The following SASH1 variants were observed in gnomAD, a reference collection of about 807,000 sequenced individuals.
The protein encoded by SASH1 is SAM and SH3 domain containing 1.
Under a neutral mutation model 125.2 loss-of-function variants are expected in SASH1, and 44 were observed. The observed-to-expected ratio is 0.35, with a 90% confidence interval of 0.28 to 0.45. The LOEUF (loss-of-function observed/expected upper bound fraction) is 0.45. Ranked by LOEUF, SASH1 falls within the 20% of genes least tolerant of loss-of-function variation. The pLI is 1.00. For synonymous variants in SASH1, 639 were observed against 649.1 expected, an observed-to-expected ratio of 0.98 and a Z score of 0.24; for missense variants, 1,426 against 1,614.5, an observed-to-expected ratio of 0.88 and a Z score of 2.00.
intron 1 of SASH1, among the ~76,000 whole-genome samples, chr6:148,377,530 C>T (rs895328220): frequency 1.3e-5 from 2 of 152,154 alleles, no homozygotes; most frequent in African/African-American, 4.8e-5. Flanking sequence ...AAATTATCAG[C>T]AATAAATGTA....
chr6:148,458,422 G>A (rs1013123254), intron 4 of SASH1, among the ~76,000 whole-genome samples: 10 of 152,104 alleles, frequency 6.6e-5, no homozygotes, highest in Admixed American at 2.0e-4. Flanking sequence ...AACAAACTCG[G>A]GACTCTGTAA....
intron 1 of SASH1, among the ~76,000 whole-genome samples, chr6:148,323,103 G>A (rs546741842): frequency 4.4e-4 from 66 of 151,674 alleles, no homozygotes; most frequent in African/African-American, 1.5e-3. Flanking sequence ...TCTGCCTCCC[G>A]GGTTTAAGTG....
intron 1 of SASH1, among the ~76,000 whole-genome samples, chr6:148,288,690 TAC>T (rs10606943): frequency 0.48 from 71,735 of 150,734 alleles, 17,138 homozygotes; most frequent in Middle Eastern, 0.53. Flanking sequence ...CACGTGTATG[TAC>T]ACACACACAC....
In SASH1 at chr6:148,345,081, C is replaced by T. The variant is rs1168467188; in HGVS notation, c.156+1858C>T. Among the ~76,000 whole-genome samples the T allele has an allele frequency of 2.0e-5, 3 of 152,132 alleles. No homozygotes were observed. In the South Asian group the frequency reaches 6.2e-4, roughly 32 times the overall value. On this transcript the variant is annotated intron_variant, in intron 1 of 19. Transcript: ENST00000367467. ...CTGTTTTTAAGTTATCCTGTTATTT[C>T]TTGTCTAGATCCAGTTCTAAGTTTT...
In SASH1 at chr6:148,544,910, C is replaced by T. The variant is rs533857674; in HGVS notation, c.3348+92C>T. ...GATGAACCCACATCTGAAGCCAGCC[C>T]GGTAGCCCGCCCAGTGGACAGGAGA... is the stretch of plus-strand genomic sequence containing the variant. On this transcript the variant is annotated intron_variant, in intron 18 of 19. Transcript: ENST00000367467. The surrounding 1 kb of genome is among the most constrained non-coding windows in gnomAD (Gnocchi z 6.4). 180 of 1,278,886 alleles carry T rather than the reference C, an allele frequency of 1.4e-4. No homozygotes were observed. The highest frequency in any genetic ancestry group is 1.9e-4 in the Non-Finnish European group (176 of 944,622). 79.2% of individuals were successfully genotyped at this position (1,278,886 alleles called of 1,614,324 possible). A position where few individuals can be genotyped will look rare whatever the true frequency, so the allele number is the denominator to read the frequency against.
At chr6:148,436,693 C>T (rs1776303425) in intron 2 of SASH1, among the ~76,000 whole-genome samples, 1 of 152,122 alleles carries the variant, frequency 6.6e-6, no homozygotes, top group African/African-American at 2.4e-5. Flanking sequence ...GTGATTACAG[C>T]CCACCCATCA....
intron 2 of SASH1, among the ~76,000 whole-genome samples, chr6:148,439,505 G>T (rs1323817610): frequency 6.6e-6 from 1 of 152,164 alleles, no homozygotes; most frequent in Admixed American, 6.5e-5. Context: ...GGGGCTGGGC[G>T]CGGTGGCTCA....
At chr6:148,468,274 C>T (rs1324023405) in intron 4 of SASH1, among the ~76,000 whole-genome samples, 4 of 152,228 alleles carry the variant, frequency 2.6e-5, no homozygotes, top group Admixed American at 2.0e-4. Context: ...ATGAAAGGTA[C>T]TTCAGTGATC....
rs1782748462 is a variant in SASH1 at position 148,549,140 on chromosome 6, GC to G, written c.*583del. 1.9e-5 allele frequency: 3 copies of G among 156,414 alleles called. No homozygotes were observed. In the South Asian group the frequency reaches 6.2e-4, roughly 32 times the overall value. 9.7% of individuals were successfully genotyped at this position (156,414 alleles called of 1,614,324 possible). A position where few individuals can be genotyped will look rare whatever the true frequency, so the allele number is the denominator to read the frequency against. On this transcript the variant is annotated 3_prime_UTR_variant, in exon 20 of 20. Coordinates refer to ENST00000367467, the MANE Select transcript of SASH1 (RefSeq NM_015278.5). ...TTTCATAATTGCTTTCTAGCAATCAGCTTTTATTTGCCTTAATATAAGCTTT... is the reference window on the plus strand; with the variant it reads ...TTTCATAATTGCTTTCTAGCAATCAGTTTTATTTGCCTTAATATAAGCTTT...
At chr6:148,441,413 G>A (rs1463060787) in intron 4 of SASH1, among the ~76,000 whole-genome samples, 1 of 152,184 alleles carries the variant, frequency 6.6e-6, no homozygotes, top group Non-Finnish European at 1.5e-5. Context: ...AACGTTGTGG[G>A]TGATGTACCA....
At chr6:148,317,234 TA>T (rs941177552) in intron 1 of SASH1, among the ~76,000 whole-genome samples, 1 of 152,214 alleles carries the variant, frequency 6.6e-6, no homozygotes, top group Non-Finnish European at 1.5e-5. Context: ...CAGTGGTCTC[TA>T]CTGAACCCTT....
At chr6:148,370,752 G>A (rs1008996890) in intron 1 of SASH1, among the ~76,000 whole-genome samples, 1 of 150,010 alleles carries the variant, frequency 6.7e-6, no homozygotes, top group Non-Finnish European at 1.5e-5. Flanking sequence ...GAACCCGGGA[G>A]GCGGAGCTTG....
intron 1 of SASH1, among the ~76,000 whole-genome samples, chr6:148,372,737 T>C (rs1782747527): frequency 6.6e-6 from 1 of 151,934 alleles, no homozygotes; most frequent in Admixed American, 6.6e-5. Flanking sequence ...ATTCATTCAG[T>C]GCATTTATAT....
chr6:148,219,501 T>G, the SASH1 span, among the ~76,000 whole-genome samples: 4 of 152,292 alleles, frequency 2.6e-5, no homozygotes, highest in East Asian at 7.7e-4. Flanking sequence ...CCAAACTCGT[T>G]TTTCCCTAGT....
At position 148,533,881 on chromosome 6, in the gene SASH1, A is replaced by G. The variant is rs1246667173; in HGVS notation, c.1845A>G (p.Glu615=). ...TCATCTACGTGGACGTGCTCAGTGA[A>G]GACGAGGAGAAACCCAAACGCCCCA... ...FKFIYVDVLS[E]DEEKPKRPTR... is the part of the protein sequence containing the mutation. The change falls in exon 15 of 20, where the codon GAA becomes GAG. Residue 615 remains glutamate (E), a synonymous_variant. Coordinates refer to ENST00000367467, the MANE Select transcript of SASH1 (RefSeq NM_015278.5). This position sits in a 1 kb window ranked among gnomAD's most constrained non-coding sequence, Gnocchi z 6.2. 1 of 1,614,108 alleles carries G rather than the reference A, an allele frequency of 6.2e-7. No individual in the cohort carries two copies. Among genetic ancestry groups the G allele is most frequent in the South Asian group, 1.1e-5 (1 of 91,070 alleles).
intron 8 of SASH1, among the ~76,000 whole-genome samples, chr6:148,503,006 G>A (rs750344034): frequency 1.5e-4 from 23 of 152,136 alleles, no homozygotes; most frequent in Admixed American, 1.5e-3. Flanking sequence ...ACCCTCAGAC[G>A]TCTAGATGAT....
chr6:148,300,608 C>A (rs1004173251), intron 1 of SASH1, among the ~76,000 whole-genome samples: 7 of 151,902 alleles, frequency 4.6e-5, no homozygotes, highest in African/African-American at 1.7e-4. Context: ...GTAATCCTGG[C>A]TAGTTTTTTG....
chr6:148,243,752 G>A, the SASH1 span, among the ~76,000 whole-genome samples: 8 of 150,992 alleles, frequency 5.3e-5, no homozygotes, highest in Non-Finnish European at 8.8e-5. Flanking sequence ...CTAAACAAAC[G>A]TGACAGTCAT....
At chr6:148,229,758 G>T in the SASH1 span, among the ~76,000 whole-genome samples, 1 of 125,028 alleles carries the variant, frequency 8.0e-6, no homozygotes. Flanking sequence ...GTCTTGCTCT[G>T]TCGCCTAGGC....
Sources: gnomAD v4.1 joint callset for allele counts (sites outside exome capture counted in the v4.1 genomes callset) on GRCh38, gnomAD v4.1.1 for gene constraint, Gnocchi (gnomAD v3.1) non-coding constraint, MANE v1.5 for transcripts, NCBI Gene and HGNC (gene_info 2026-07-23, HGNC 2026-07-21) for gene names.